Variants in TG observed in about 807,000 individuals in gnomAD.
TG encodes thyroglobulin, also known as thyroid hormones.
A neutral mutation model predicts 324.7 loss-of-function variants in TG; 270 were observed. That is an observed-to-expected ratio of 0.83 (90% CI 0.75 to 0.92). The LOEUF is 0.92. Among genes scored for constraint, TG ranks in the 40% least tolerant of loss-of-function variants. The probability of loss-of-function intolerance (pLI) is 0.00; values close to 1 mark genes in which losing one functional copy is unlikely to be tolerated. For missense variants in TG, 3,591 were observed against 3,456.4 expected, an observed-to-expected ratio of 1.04 and a Z score of -0.98; for synonymous variants, 1,401 against 1,327.0, an observed-to-expected ratio of 1.06 and a Z score of -1.21.
chr8:132,999,364 C>T (rs1833224074), intron 35 of TG, among the ~76,000 whole-genome samples: 1 of 152,006 alleles, frequency 6.6e-6, no homozygotes, highest in African/African-American at 2.4e-5. Flanking sequence ...TGCAAAAGGA[C>T]ATTCATTTCC....
chr8:133,038,523 G>C (rs1837510870), intron 41 of TG: 3 of 1,603,184 alleles, frequency 1.9e-6, no homozygotes, highest in African/African-American at 1.3e-5. Context: ...TCTGTTCTTG[G>C]CTAGTCCTCA....
At position 132,886,478 on chromosome 8, in the gene TG, A is replaced by G; in HGVS notation, c.1106A>G (p.Gln369Arg). The G allele has an allele frequency of 4.3e-6, 7 of 1,614,218 alleles. No individual in the cohort carries two copies. The highest frequency in any genetic ancestry group is 5.9e-6 in the Non-Finnish European group (7 of 1,180,036). Residue 369 changes from glutamine (Q) to arginine (R), a missense_variant, in exon 9 of 48, where the codon CAG becomes CGG. Gln to Arg is a conservative substitution (Grantham distance 43). Transcript: ENST00000220616. ...AEGQSCASERQQALSRLYFGT... is the reference protein window; with the variant it reads ...AEGQSCASERRQALSRLYFGT... ...GGCCAATCTTGTGCCTCCGAAAGGC[A>G]GCAGGCCTTGTCCAGACTCTACTTT...
Position 132,885,774 on chromosome 8 carries a change from G to C in TG, c.1076-674G>C, listed in dbSNP as rs530471053. ...TCCTAGTTCTGGAGGCCAGAAGTCT[G>C]AAATCAAGGTGTGGGCAGGGCCATG... On this transcript the variant is annotated intron_variant, in intron 8 of 47. Transcript: ENST00000220616. Among the ~76,000 whole-genome samples, 17 of 152,296 alleles carry C rather than the reference G, an allele frequency of 1.1e-4. No homozygotes were observed. In the South Asian group the frequency reaches 3.3e-3, roughly 30 times the overall value.
intron 32 of TG, among the ~76,000 whole-genome samples, chr8:132,971,174 T>C (rs560376840): frequency 6.6e-6 from 1 of 152,302 alleles, no homozygotes; most frequent in East Asian, 1.9e-4. Flanking sequence ...CCCTAGAAGC[T>C]GAGGGTGGGG....
intron 10 of TG, among the ~76,000 whole-genome samples, chr8:132,891,240 A>G (rs1372797321): frequency 1.3e-5 from 2 of 152,132 alleles, no homozygotes; most frequent in African/African-American, 4.8e-5. Context: ...CACTGAGTCA[A>G]TGAAGCTGTG....
intron 41 of TG, among the ~76,000 whole-genome samples, chr8:133,080,140 C>A (rs1845526581): frequency 6.6e-6 from 1 of 152,074 alleles, no homozygotes; most frequent in African/African-American, 2.4e-5. Context: ...CAGAGTGACT[C>A]TGGCATGAAA....
At chr8:132,964,917 C>T (rs758715146) in intron 29 of TG, 1 of 702,392 alleles carries the variant, frequency 1.4e-6, no homozygotes. Context: ...CCAGAAGGAT[C>T]TGCCAGATGC....
intron 41 of TG, among the ~76,000 whole-genome samples, chr8:133,053,347 G>A (rs914329728): frequency 4.6e-5 from 7 of 152,178 alleles, no homozygotes; most frequent in Non-Finnish European, 7.3e-5. Context: ...TGTCTTCTGT[G>A]TCTGTAGCCT....
intron 46 of TG, 90 bp downstream of exon 46, chr8:133,132,036 T>C (rs953486544): frequency 2.5e-6 from 4 of 1,570,324 alleles, no homozygotes; most frequent in African/African-American, 1.4e-5. Flanking sequence ...TTTGCATCGA[T>C]AGACTCATCC....
intron 35 of TG, chr8:133,003,036 C>CAT: frequency 2.8e-6 from 3 of 1,054,458 alleles, no homozygotes; most frequent in Non-Finnish European, 3.5e-6. Context: ...GCTTGGAGAA[C>CAT]ATACCAGGTA....
At chr8:133,130,622 T>C (rs1851867302) in intron 45 of TG, among the ~76,000 whole-genome samples, 1 of 152,126 alleles carries the variant, frequency 6.6e-6, no homozygotes. Context: ...TTCACAACTT[T>C]GAATGGTCAA....
chr8:133,001,611 G>C (rs1175728882), intron 35 of TG, among the ~76,000 whole-genome samples: 1 of 152,256 alleles, frequency 6.6e-6, no homozygotes. Context: ...GTTCTCACTT[G>C]AATGATGGTC....
intron 41 of TG, chr8:133,037,139 T>G (rs1837251276): frequency 6.6e-6 from 1 of 152,196 alleles, no homozygotes; most frequent in Admixed American, 6.5e-5. Flanking sequence ...CAGGGAGAGA[T>G]ACTGCAAGCA....
intron 23 of TG, among the ~76,000 whole-genome samples, chr8:132,933,239 T>C (rs375438868): frequency 1.6e-3 from 1 of 608 alleles, no homozygotes; most frequent in Non-Finnish European, 2.9e-3. Context: ...TATTTGAATG[T>C]GTATTTCTAT....
chr8:132,867,054 G>C lies in TG; in HGVS notation c.54G>C (p.Ser18=). 3.1e-6 allele frequency: 5 copies of C among 1,599,682 alleles called. No homozygotes were observed. Among genetic ancestry groups the C allele is most frequent in the Non-Finnish European group, 4.3e-6 (5 of 1,171,958 alleles). The change falls in exon 1 of 48, where the codon TCG becomes TCC. Residue 18 remains serine (S), a synonymous_variant. Coordinates refer to ENST00000220616, the MANE Select transcript of TG (RefSeq NM_003235.5). ...FTLLASICWV[S]ANIFEYQVDA... Reference sequence around the variant, plus strand: ...TGCTGGCCTCCATCTGCTGGGTGTCGGCCAATATCTTCGGTAAGTTCTGAG... The same window carrying C: ...TGCTGGCCTCCATCTGCTGGGTGTCCGCCAATATCTTCGGTAAGTTCTGAG...
intron 41 of TG, among the ~76,000 whole-genome samples, chr8:133,032,042 G>A (rs918539683): frequency 6.6e-6 from 1 of 152,120 alleles, no homozygotes; most frequent in African/African-American, 2.4e-5. Context: ...GCAGGGGCTG[G>A]GTGTGCCTTG....
chr8:133,129,418 T>C (rs1156650296), intron 45 of TG, among the ~76,000 whole-genome samples: 1 of 152,214 alleles, frequency 6.6e-6, no homozygotes, highest in Non-Finnish European at 1.5e-5. Flanking sequence ...TGAAATTGGC[T>C]AAGGTGGGAG....
intron 35 of TG, chr8:133,002,374 A>T: frequency 1.0e-6 from 1 of 985,500 alleles, no homozygotes; most frequent in East Asian, 1.1e-4. Context: ...CAAATATTTC[A>T]TAAATAATAT....
At chr8:133,113,644 G>A (rs752574943) in intron 44 of TG, 41 bp downstream of exon 44, 1 of 1,603,062 alleles carries the variant, frequency 6.2e-7, no homozygotes, top group Non-Finnish European at 8.5e-7. Flanking sequence ...CTACTGCTAT[G>A]TTTTGGAGCA....
Sources: gnomAD v4.1 joint callset for allele counts (sites outside exome capture counted in the v4.1 genomes callset) on GRCh38, gnomAD v4.1.1 for gene constraint, MANE v1.5 for transcripts, NCBI Gene and HGNC (gene_info 2026-07-23, HGNC 2026-07-21) for gene names.